L3MBTL4: variants seen among roughly 807,000 people sequenced by gnomAD.
The protein encoded by L3MBTL4 is lethal(3)malignant brain tumor-like protein 4.
In L3MBTL4, 70 loss-of-function variants were observed where a neutral mutation model predicts 84.5. The observed-to-expected ratio is 0.83, with a 90% confidence interval of 0.68 to 1.01. L3MBTL4 has a LOEUF of 1.01. Among genes scored for constraint, L3MBTL4 ranks in the 50% least tolerant of loss-of-function variants. The pLI, the probability that L3MBTL4 is intolerant of heterozygous loss-of-function variation, is 0.00. For synonymous variants in L3MBTL4, 274 were observed against 259.8 expected, an observed-to-expected ratio of 1.05 and a Z score of -0.52; for missense variants, 715 against 754.8, an observed-to-expected ratio of 0.95 and a Z score of 0.62.
intron 16 of L3MBTL4, among the ~76,000 whole-genome samples, chr18:5,991,260 C>T (rs1381831133): frequency 2.6e-5 from 4 of 152,212 alleles, no homozygotes; most frequent in Non-Finnish European, 5.9e-5. Flanking sequence ...TTTCCTATCA[C>T]AGTCAGTACT....
At chr18:6,343,740 A>C (rs1444164789) in intron 1 of L3MBTL4, among the ~76,000 whole-genome samples, 2 of 152,098 alleles carry the variant, frequency 1.3e-5, no homozygotes, top group Non-Finnish European at 2.9e-5. Flanking sequence ...AAAAATCAAT[A>C]ACAAGAGGAA....
intron 15 of L3MBTL4, among the ~76,000 whole-genome samples, chr18:6,082,038 C>T (rs922957448): frequency 1.3e-5 from 2 of 152,036 alleles, no homozygotes; most frequent in Admixed American, 6.6e-5. Flanking sequence ...ATTCAGTGTG[C>T]GAAAACTTGA....
rs549016732 is a variant in L3MBTL4, at chr18:6,337,297, G to A, written c.-90-25241C>T. 7.9e-5 allele frequency among the ~76,000 whole-genome samples: 12 copies of A among 152,154 alleles called. No individual in the cohort carries two copies. In the East Asian group the frequency reaches 1.5e-3, roughly 20 times the overall value. On this transcript the variant is annotated intron_variant, in intron 1 of 18. Transcript: ENST00000317931. ...AGACTCTCACCAACATTCCTAGAAC[G>A]GAAATGCATACAAATATCAAACAAA... is the stretch of plus-strand genomic sequence containing the variant.
At chr18:6,061,835 C>A (rs981802330) in intron 16 of L3MBTL4, among the ~76,000 whole-genome samples, 1 of 151,892 alleles carries the variant, frequency 6.6e-6, no homozygotes, top group African/African-American at 2.4e-5. Flanking sequence ...TATACACTTA[C>A]AACTTACCTA....
intron 14 of L3MBTL4, among the ~76,000 whole-genome samples, chr18:6,136,059 C>A (rs775437069): frequency 6.6e-5 from 10 of 152,140 alleles, no homozygotes; most frequent in Non-Finnish European, 1.3e-4. Flanking sequence ...AGGAAGAAAG[C>A]AAAAGTGGAA....
At chr18:6,213,315 C>T in intron 11 of L3MBTL4, 56 bp from the exon 12 acceptor site, 3 of 991,618 alleles carry the variant, frequency 3.0e-6, no homozygotes, top group Non-Finnish European at 4.5e-6. Context: ...ATTCAGATAT[C>T]CTACTAATTT....
At chr18:6,114,171 C>G (rs1199962384) in intron 14 of L3MBTL4, among the ~76,000 whole-genome samples, 1 of 152,134 alleles carries the variant, frequency 6.6e-6, no homozygotes, top group African/African-American at 2.4e-5. Flanking sequence ...AGCAGCATGC[C>G]CATGCTCCTG....
At chr18:6,122,353 G>C (rs1162872138) in intron 14 of L3MBTL4, among the ~76,000 whole-genome samples, 4 of 152,114 alleles carry the variant, frequency 2.6e-5, no homozygotes, top group Non-Finnish European at 4.4e-5. Flanking sequence ...GATATGATTT[G>C]GCTGTGTCCC....
Position 5,956,239 on chromosome 18 carries a change from C to T in L3MBTL4, c.1826G>A (p.Gly609Asp), listed in dbSNP as rs3737353. 0.39 allele frequency: 630,732 copies of T among 1,612,230 alleles called. 125,189 individuals carry two copies. The highest frequency in any genetic ancestry group is 0.48 in the East Asian group (21,331 of 44,852). ...GCCCATTCATCCCCTGACTTCTTGGCCTGAGGCAATATCTTCTTCAGGGAG... is the reference window on the plus strand; with the variant it reads ...GCCCATTCATCCCCTGACTTCTTGGTCTGAGGCAATATCTTCTTCAGGGAG... ...QELPEEDIASGQEVRG is the reference protein window; with the variant it reads ...QELPEEDIASDQEVRG The change falls in exon 19 of 19, where the codon GGC (glycine) becomes GAC (aspartate). Residue 609 changes from glycine to aspartate, a missense_variant. By Grantham distance (94) the Gly-to-Asp change is moderately conservative. Coordinates refer to ENST00000317931, the MANE Select transcript of L3MBTL4 (RefSeq NM_001330559.2).
At chr18:6,088,146 A>G (rs1275138331) in intron 15 of L3MBTL4, among the ~76,000 whole-genome samples, 1 of 152,220 alleles carries the variant, frequency 6.6e-6, no homozygotes, top group Non-Finnish European at 1.5e-5. Context: ...AGCTGCTGAT[A>G]TGTGGTGTGG....
chr18:6,128,322 AAG>A (rs1384265375), intron 14 of L3MBTL4, among the ~76,000 whole-genome samples: 1 of 152,178 alleles, frequency 6.6e-6, no homozygotes, highest in Non-Finnish European at 1.5e-5. Context: ...GCAAATAGAA[AAG>A]AGAGTATTAT....
intron 10 of L3MBTL4, among the ~76,000 whole-genome samples, chr18:6,227,839 T>C (rs1480655266): frequency 6.6e-6 from 1 of 151,746 alleles, no homozygotes; most frequent in Non-Finnish European, 1.5e-5. Flanking sequence ...CCTAGCTAAT[T>C]TTTTTTTAAT....
At chr18:6,339,865 T>A (rs2052524280) in intron 1 of L3MBTL4, among the ~76,000 whole-genome samples, 1 of 152,060 alleles carries the variant, frequency 6.6e-6, no homozygotes, top group Non-Finnish European at 1.5e-5. Flanking sequence ...AAATGAAATA[T>A]CAAATCAAGA....
chr18:6,287,323 C>T (rs1358167640), intron 4 of L3MBTL4, among the ~76,000 whole-genome samples: 2 of 152,006 alleles, frequency 1.3e-5, no homozygotes, highest in South Asian at 2.1e-4. Context: ...AATTGATACA[C>T]GAGGCTCCAG....
chr18:6,236,571 G>T (rs2047224650), intron 10 of L3MBTL4, among the ~76,000 whole-genome samples: 2 of 152,170 alleles, frequency 1.3e-5, no homozygotes, highest in Admixed American at 6.5e-5. Flanking sequence ...AGCATTCCAT[G>T]TCTCTAGGCA....
At chr18:5,990,770 G>GTGTGTGTGTGTGTGTGTGT (rs1567956295) in intron 16 of L3MBTL4, among the ~76,000 whole-genome samples, 1 of 142,288 alleles carries the variant, frequency 7.0e-6, no homozygotes, top group African/African-American at 2.6e-5. Context: ...GGTTCATGTG[G>GTGTGTGTGTGTGTGTGTGT]GTGTGTGTGT....
At chr18:5,975,900 T>C (rs1006491471) in intron 16 of L3MBTL4, among the ~76,000 whole-genome samples, 1 of 152,216 alleles carries the variant, frequency 6.6e-6, no homozygotes, top group Admixed American at 6.5e-5. Context: ...CTCATACCCT[T>C]ATTATCCAGA....
rs538111747 is a variant in L3MBTL4 at position 6,111,608 on chromosome 18, G to A, written c.1200-18080C>T. ...AGAGACAGAAGAGAAGAAACAGCCC[G>A]CTGCAAAGGGTGTCTGCTCAGTCTC... On this transcript the variant is annotated intron_variant, in intron 14 of 18. Transcript: ENST00000317931. 6.6e-5 allele frequency among the ~76,000 whole-genome samples: 10 copies of A among 152,226 alleles called. No homozygotes were observed. The South Asian group carries it at 1.7e-3, about 25-fold the overall frequency.
chr18:6,201,858 C>T (rs952501809), intron 12 of L3MBTL4, among the ~76,000 whole-genome samples: 1 of 152,038 alleles, frequency 6.6e-6, no homozygotes, highest in African/African-American at 2.4e-5. Flanking sequence ...AATTGCACCC[C>T]ATAAATATGT....
Sources: allele counts gnomAD v4.1 joint callset (sites outside exome capture counted in the v4.1 genomes callset), GRCh38; gene constraint gnomAD v4.1.1; transcripts MANE v1.5; gene names NCBI Gene and HGNC (gene_info 2026-07-23, HGNC 2026-07-21).